MAOA: variants seen among roughly 807,000 people sequenced by gnomAD.
MAOA encodes monoamine oxidase A.
MAOA carries 6 observed loss-of-function variants against 42.0 expected under a neutral mutation model. That is an observed-to-expected ratio of 0.14 (90% confidence interval 0.08 to 0.28). MAOA has a LOEUF of 0.28. MAOA is among the 10% of genes least tolerant of loss of function. The pLI, the probability that MAOA is intolerant of heterozygous loss-of-function variation, is 1.00. For synonymous variants in MAOA, 140 were observed against 154.0 expected, an observed-to-expected ratio of 0.91 and a Z score of 0.67; for missense variants, 262 against 422.3, an observed-to-expected ratio of 0.62 and a Z score of 3.33.
intron 1 of MAOA, among the ~76,000 whole-genome samples, chrX:43,661,158 G>C (rs2033230740): frequency 1.8e-5 from 2 of 111,596 alleles, no homozygotes; most frequent in African/African-American, 6.5e-5. Flanking sequence ...GGTAGCTCTG[G>C]CTCCTTGTCT....
At chrX:43,666,698 C>T (rs993470298) in intron 1 of MAOA, among the ~76,000 whole-genome samples, 1 of 110,898 alleles carries the variant, frequency 9.0e-6, no homozygotes, top group African/African-American at 3.3e-5. Context: ...CCTCCAGTAG[C>T]CCCCATCATA....
chrX:43,711,037 C>T (rs2033695307), intron 3 of MAOA, among the ~76,000 whole-genome samples: 1 of 111,907 alleles, frequency 8.9e-6, no homozygotes, highest in Non-Finnish European at 1.9e-5. Context: ...AGTCTACTTT[C>T]TTCTCTATGT....
chrX:43,734,159 G>T (rs1445068962), intron 9 of MAOA, among the ~76,000 whole-genome samples: 1 of 101,242 alleles, frequency 9.9e-6, no homozygotes, highest in Non-Finnish European at 2.0e-5. Flanking sequence ...TTTGGAAGTG[G>T]AACTCAATAT....
At position 43,708,662 on chromosome X, in the gene MAOA, GTT is replaced by G. The variant is rs758339663; in HGVS notation, c.307-3196_307-3195del. Reference sequence around the variant, plus strand: ...TATGGGCCTTTATGGTCTTCTTGTTGTTTTTTTTTTTTTTTCTTTTGAGACAG... The same window carrying G: ...TATGGGCCTTTATGGTCTTCTTGTTGTTTTTTTTTTTTTCTTTTGAGACAG... On this transcript the variant is annotated intron_variant, in intron 3 of 14. Transcript: ENST00000338702. Among the ~76,000 whole-genome samples, 520 of 96,084 alleles carry G rather than the reference GTT, an allele frequency of 5.4e-3. 2 individuals are homozygous for G. The highest frequency in any genetic ancestry group is 0.019 in the African/African-American group (487 of 25,607). 83.4% of individuals were successfully genotyped at this position (96,084 alleles called of 115,157 possible). A position where few individuals can be genotyped will look rare whatever the true frequency, so the allele number is the denominator to read the frequency against.
At chrX:43,683,410 G>A in intron 1 of MAOA, 103 bp from the exon 2 acceptor site, 1 of 604,427 alleles carries the variant, frequency 1.7e-6, no homozygotes, top group Non-Finnish European at 2.8e-6. Context: ...CAAAATCATT[G>A]GATTGTATAT....
At chrX:43,736,176 C>G in intron 9 of MAOA, 51 bp from the exon 10 acceptor site, 1 of 944,975 alleles carries the variant, frequency 1.1e-6, no homozygotes, top group Non-Finnish European at 1.5e-6. Context: ...AAGGGCAGCT[C>G]TTAAAATAAA....
intron 1 of MAOA, among the ~76,000 whole-genome samples, chrX:43,678,873 A>G (rs2033421294): frequency 8.9e-6 from 1 of 112,045 alleles, no homozygotes; most frequent in African/African-American, 3.2e-5. Flanking sequence ...TTTTATTTTC[A>G]TGTTGTATAT....
At chrX:43,656,491 T>G (rs761014025) in intron 1 of MAOA, 77 bp downstream of exon 1, 179 of 912,661 alleles carry the variant, frequency 2.0e-4, no homozygotes, top group Admixed American at 4.5e-4. Context: ...GCTCTTGTGG[T>G]GTTTGGGGGT....
At chrX:43,732,868 T>TA in intron 9 of MAOA, 73 bp downstream of exon 9, 3 of 688,081 alleles carry the variant, frequency 4.4e-6, no homozygotes, top group Non-Finnish European at 7.2e-6. Context: ...TCAAAGTATA[T>TA]TACTTTGGAA....
chrX:43,658,289 C>T (rs2033202858), intron 1 of MAOA, among the ~76,000 whole-genome samples: 1 of 111,379 alleles, frequency 9.0e-6, no homozygotes, highest in Non-Finnish European at 1.9e-5. Flanking sequence ...CCTTAAGGAG[C>T]GCGGTTTTTT....
At chrX:43,708,366 T>C (rs997448839) in intron 3 of MAOA, among the ~76,000 whole-genome samples, 1 of 111,339 alleles carries the variant, frequency 9.0e-6, no homozygotes, top group Non-Finnish European at 1.9e-5. Flanking sequence ...ATTGAGAAAC[T>C]GCTGACACCT....
intron 3 of MAOA, among the ~76,000 whole-genome samples, chrX:43,696,129 T>G (rs978427196): frequency 8.9e-6 from 1 of 111,882 alleles, no homozygotes; most frequent in Non-Finnish European, 1.9e-5. Flanking sequence ...TGATGCACGT[T>G]ACATTAGGTG....
intron 5 of MAOA, among the ~76,000 whole-genome samples, chrX:43,713,730 C>T (rs2033716443): frequency 9.0e-6 from 1 of 111,475 alleles, no homozygotes; most frequent in Admixed American, 9.5e-5. Context: ...TAGGAGAGTT[C>T]CTGTAACAGG....
At chrX:43,720,097 C>A (rs1356262456) in intron 5 of MAOA, among the ~76,000 whole-genome samples, 1 of 108,249 alleles carries the variant, frequency 9.2e-6, no homozygotes, top group Non-Finnish European at 1.9e-5. Context: ...TGGTATCATC[C>A]AGATATGACT....
At chrX:43,666,075 A>T (rs1449615423) in intron 1 of MAOA, among the ~76,000 whole-genome samples, 1 of 112,049 alleles carries the variant, frequency 8.9e-6, no homozygotes, top group African/African-American at 3.2e-5. Context: ...GTAGCATTAG[A>T]AACTTCCCTG....
intron 1 of MAOA, among the ~76,000 whole-genome samples, chrX:43,678,813 G>T (rs1161119040): frequency 8.9e-6 from 1 of 112,060 alleles, no homozygotes; most frequent in Non-Finnish European, 1.9e-5. Flanking sequence ...GTGTTTGCCT[G>T]TACTTTGACT....
At chrX:43,724,721 GA>G (rs753481415) in intron 5 of MAOA, among the ~76,000 whole-genome samples, 1 of 110,974 alleles carries the variant, frequency 9.0e-6, no homozygotes, top group East Asian at 2.8e-4. Context: ...GCTAGCTTTT[GA>G]ATTTGTTTGC....
chrX:43,664,071 TGA>T (rs2033257269), intron 1 of MAOA, among the ~76,000 whole-genome samples: 1 of 112,598 alleles, frequency 8.9e-6, no homozygotes, highest in Non-Finnish European at 1.9e-5. Context: ...TAGCTGATAC[TGA>T]GACTTCACGA....
chrX:43,693,601 A>T (rs1414561735), intron 3 of MAOA, among the ~76,000 whole-genome samples, 173 bp downstream of exon 3: 3 of 110,976 alleles, frequency 2.7e-5, no homozygotes, highest in Non-Finnish European at 5.7e-5. Context: ...TTTTGAAAAA[A>T]ATCTCTAAAG....
Sources: allele counts gnomAD v4.1 joint callset (sites outside exome capture counted in the v4.1 genomes callset), GRCh38; gene constraint gnomAD v4.1.1; transcripts MANE v1.5; gene names NCBI Gene and HGNC (gene_info 2026-07-23, HGNC 2026-07-21).